TRHDE: variants seen among roughly 807,000 people sequenced by gnomAD.
TRHDE encodes thyrotropin releasing hormone degrading enzyme.
TRHDE carries 72 observed loss-of-function variants against 125.7 expected under a neutral mutation model. That is an observed-to-expected ratio of 0.57 (90% CI 0.47 to 0.70). The LOEUF is 0.70. TRHDE is among the 30% of genes least tolerant of loss of function. TRHDE has a pLI of 0.00. For synonymous variants in TRHDE, 509 were observed against 509.1 expected (o/e 1.00, Z 0.00); for missense variants, 1,110 against 1,327.1 (o/e 0.84, Z 2.54).
At chr12:72,309,317 T>C (rs998298149) in intron 2 of TRHDE, among the ~76,000 whole-genome samples, 1 of 152,090 alleles carries the variant, frequency 6.6e-6, no homozygotes, top group Non-Finnish European at 1.5e-5. Flanking sequence ...GAAAGAGAGG[T>C]AGTCAGACAC....
chr12:72,656,434 T>C (rs937802931), intron 17 of TRHDE, among the ~76,000 whole-genome samples: 3 of 152,166 alleles, frequency 2.0e-5, no homozygotes, highest in African/African-American at 7.2e-5. Flanking sequence ...GAATGCATTT[T>C]GCCTCAATTT....
intron 9 of TRHDE, among the ~76,000 whole-genome samples, chr12:72,565,233 C>T (rs1008256048): frequency 6.6e-6 from 1 of 152,076 alleles, no homozygotes; most frequent in African/African-American, 2.4e-5. Context: ...AACCAACTAC[C>T]GATCTATTCC....
At chr12:72,424,531 G>A (rs773792732) in intron 3 of TRHDE, among the ~76,000 whole-genome samples, 5 of 152,216 alleles carry the variant, frequency 3.3e-5, no homozygotes, top group Middle Eastern at 3.4e-3. Flanking sequence ...AGAATTATAA[G>A]ATAATCAATT....
chr12:72,545,347 G>C (rs11179242), intron 7 of TRHDE, among the ~76,000 whole-genome samples: 1 of 151,266 alleles, frequency 6.6e-6, no homozygotes, highest in African/African-American at 2.4e-5. Flanking sequence ...AGTTAATAGC[G>C]GTTTTCTGCA....
At chr12:72,212,600 T>G (rs12228091) in intron 2 of TRHDE, among the ~76,000 whole-genome samples, 19,947 of 152,108 alleles carry the variant, frequency 0.13, 2,035 homozygotes, top group African/African-American at 0.28. Flanking sequence ...AGCATCATCA[T>G]TTACTAAGGA....
At chr12:72,435,162 A>G (rs867319977) in intron 3 of TRHDE, among the ~76,000 whole-genome samples, 5 of 152,224 alleles carry the variant, frequency 3.3e-5, no homozygotes, top group African/African-American at 7.2e-5. Context: ...TGATATGAGA[A>G]AGCTCCCAAT....
chr12:72,090,388 G>C lies in TRHDE; in HGVS notation n.174+2949G>C, dbSNP rs548876868. On this transcript the variant is annotated intron_variant and non_coding_transcript_variant, in intron 1 of 4. Coordinates refer to the TRHDE transcript ENST00000548156. Reference sequence around the variant, plus strand: ...TCACCACTGAGGTTTTAAAGCTCTTGGGGGAGCATTTGAATGAGTATAGAA... The same window carrying C: ...TCACCACTGAGGTTTTAAAGCTCTTCGGGGAGCATTTGAATGAGTATAGAA... Among the ~76,000 whole-genome samples, 7 of 152,248 alleles carry C rather than the reference G, an allele frequency of 4.6e-5. 1 individual carries two copies. The South Asian group carries it at 1.5e-3, about 32-fold the overall frequency.
At chr12:72,481,114 T>C (rs1877147899) in intron 5 of TRHDE, among the ~76,000 whole-genome samples, 1 of 152,070 alleles carries the variant, frequency 6.6e-6, no homozygotes, top group Non-Finnish European at 1.5e-5. Context: ...TCATTAATTT[T>C]CTAATTATTA....
chr12:72,241,615 G>A (rs1270323064), intron 2 of TRHDE, among the ~76,000 whole-genome samples: 1 of 152,140 alleles, frequency 6.6e-6, no homozygotes, highest in East Asian at 1.9e-4. Context: ...TGTAGTAAAC[G>A]TTTGTGTGTG....
chr12:72,431,360 A>C (rs1874470592), intron 3 of TRHDE, among the ~76,000 whole-genome samples: 1 of 152,216 alleles, frequency 6.6e-6, no homozygotes, highest in South Asian at 2.1e-4. Flanking sequence ...CTTATTTTAA[A>C]AACAAGCCAA....
intron 2 of TRHDE, among the ~76,000 whole-genome samples, chr12:72,111,262 G>A (rs1875308438): frequency 6.6e-6 from 1 of 152,176 alleles, no homozygotes; most frequent in Non-Finnish European, 1.5e-5. Flanking sequence ...TTATCCTGAT[G>A]ATGTATGTTA....
intron 2 of TRHDE, among the ~76,000 whole-genome samples, chr12:72,367,698 A>C (rs564966044): frequency 6.6e-5 from 10 of 152,304 alleles, no homozygotes; most frequent in African/African-American, 2.4e-4. Context: ...AAATCAAATT[A>C]TATTCACATA....
intron 5 of TRHDE, among the ~76,000 whole-genome samples, chr12:72,480,959 C>T (rs938578373): frequency 4.6e-5 from 7 of 151,970 alleles, no homozygotes; most frequent in African/African-American, 1.7e-4. Context: ...CTGGTAAAAA[C>T]GTTATTCTCT....
intron 3 of TRHDE, among the ~76,000 whole-genome samples, chr12:72,407,960 C>G (rs367968056): frequency 6.6e-6 from 1 of 152,168 alleles, no homozygotes; most frequent in Non-Finnish European, 1.5e-5. Flanking sequence ...CAGAATACCA[C>G]AGACTGGTAA....
intron 7 of TRHDE, among the ~76,000 whole-genome samples, chr12:72,552,688 T>C (rs1396703307): frequency 6.6e-6 from 1 of 152,130 alleles, no homozygotes; most frequent in Non-Finnish European, 1.5e-5. Context: ...TGTAAATTCA[T>C]TGATTTCAGT....
At chr12:72,187,308 ACAACACACACACACACAC>A (rs901278828) in intron 2 of TRHDE, among the ~76,000 whole-genome samples, 5 of 132,688 alleles carry the variant, frequency 3.8e-5, no homozygotes, top group African/African-American at 1.5e-4. Context: ...TCAGAGAAAC[ACAACACACACACACACAC>A]ACACACACAC....
rs117238737 is a variant in TRHDE at position 72,395,115 on chromosome 12, T to C, written c.1315+16994T>C. Among the ~76,000 whole-genome samples the C allele has an allele frequency of 5.3e-3, 805 of 152,314 alleles. 6 individuals carry two copies. Among genetic ancestry groups the C allele is most frequent in the South Asian group, 0.015 (74 of 4,826 alleles). ...CAATATGTTGTTCTTACCTATAGTC[T>C]CCATGTTGTACAATAGATCTCTTGA... On this transcript the variant is annotated intron_variant, in intron 3 of 18. Coordinates refer to ENST00000261180, the MANE Select transcript of TRHDE (RefSeq NM_013381.3).
chr12:72,171,993 C>G (rs1005189459), intron 2 of TRHDE, among the ~76,000 whole-genome samples: 1 of 152,082 alleles, frequency 6.6e-6, no homozygotes, highest in Non-Finnish European at 1.5e-5. Flanking sequence ...TGCTTTCTCC[C>G]AAAACCTAAT....
chr12:72,386,754 A>G (rs1426488330), intron 3 of TRHDE, among the ~76,000 whole-genome samples: 1 of 152,152 alleles, frequency 6.6e-6, no homozygotes, highest in Non-Finnish European at 1.5e-5. Flanking sequence ...ATGCCTCCAC[A>G]CTGCTAAATC....
Sources: gnomAD v4.1 joint callset for allele counts (sites outside exome capture counted in the v4.1 genomes callset) on GRCh38, gnomAD v4.1.1 for gene constraint, MANE v1.5 for transcripts, NCBI Gene and HGNC (gene_info 2026-07-23, HGNC 2026-07-21) for gene names.